DCC: variants seen among roughly 807,000 people sequenced by gnomAD.
The protein encoded by DCC is DCC netrin 1 receptor.
DCC carries 58 observed loss-of-function variants against 172.5 expected under a neutral mutation model. The ratio of observed to expected loss-of-function variants is 0.34; its 90% CI spans 0.27 to 0.42. The LOEUF (loss-of-function observed/expected upper bound fraction) is 0.42, where lower values mean the gene tolerates loss of function less well. Among genes scored for constraint, DCC ranks in the 10% least tolerant of loss-of-function variants. The pLI, the probability that DCC is intolerant of heterozygous loss-of-function variation, is 1.00. For missense variants in DCC, 1,740 were observed against 1,791.0 expected, an observed-to-expected ratio of 0.97 and a Z score of 0.51; for synonymous variants, 709 against 644.5, an observed-to-expected ratio of 1.10 and a Z score of -1.52.
At chr18:52,585,639 A>T (rs571582518) in intron 1 of DCC, among the ~76,000 whole-genome samples, 5 of 152,192 alleles carry the variant, frequency 3.3e-5, no homozygotes, top group Admixed American at 2.0e-4. Flanking sequence ...TTTGGTGGAC[A>T]TGTATGTCAA....
intron 1 of DCC, among the ~76,000 whole-genome samples, chr18:52,361,171 A>T (rs1014110191): frequency 5.9e-5 from 9 of 152,230 alleles, no homozygotes; most frequent in African/African-American, 2.2e-4. Flanking sequence ...CTACCTAAAA[A>T]GATATATATG....
At chr18:52,476,672 G>A (rs1034264008) in intron 1 of DCC, among the ~76,000 whole-genome samples, 5 of 152,152 alleles carry the variant, frequency 3.3e-5, no homozygotes. Flanking sequence ...CTGGTTCTAA[G>A]GAGCTGTGTA....
chr18:52,844,471 TA>T (rs1265531187), intron 2 of DCC, among the ~76,000 whole-genome samples: 1 of 152,194 alleles, frequency 6.6e-6, no homozygotes, highest in African/African-American at 2.4e-5. Context: ...ACACACATAG[TA>T]ATTGGCCTTG....
chr18:52,414,789 T>C (rs1237486696), intron 1 of DCC, among the ~76,000 whole-genome samples: 4 of 152,214 alleles, frequency 2.6e-5, no homozygotes, highest in African/African-American at 9.6e-5. Context: ...TAAAATTTTC[T>C]CATTCTGTGT....
At chr18:53,113,945 A>T (rs966218918) in intron 7 of DCC, among the ~76,000 whole-genome samples, 2 of 151,374 alleles carry the variant, frequency 1.3e-5, no homozygotes, top group African/African-American at 2.4e-5. Context: ...TATTTATTCT[A>T]TTGCTCTAAA....
chr18:53,360,339 G>C (rs1384234961), intron 15 of DCC, among the ~76,000 whole-genome samples: 3 of 152,138 alleles, frequency 2.0e-5, no homozygotes, highest in Non-Finnish European at 4.4e-5. Flanking sequence ...CAGTTAATCA[G>C]ATAGATTATT....
In DCC at chr18:53,315,896, T is replaced by A. The variant is rs562789044; in HGVS notation, c.2054-6151T>A. On this transcript the variant is annotated intron_variant, in intron 13 of 28. Coordinates refer to ENST00000442544, the MANE Select transcript of DCC (RefSeq NM_005215.4). ...TTGTCAGATGGATAGATTAAAAAAA[T>A]TTTTCTCCCATTCTGTAGGTTACCT... Among the ~76,000 whole-genome samples, 29 of 152,212 alleles carry A rather than the reference T, an allele frequency of 1.9e-4. No homozygotes were observed. In the South Asian group the frequency reaches 5.2e-3, roughly 27 times the overall value.
chr18:52,989,069 C>G (rs1568230220), intron 5 of DCC, among the ~76,000 whole-genome samples: 1 of 151,862 alleles, frequency 6.6e-6, no homozygotes, highest in East Asian at 1.9e-4. Flanking sequence ...GTTTTAAATT[C>G]TTATAAATAT....
chr18:52,826,074 C>A (rs1158672779), intron 2 of DCC, among the ~76,000 whole-genome samples: 1 of 152,060 alleles, frequency 6.6e-6, no homozygotes, highest in Non-Finnish European at 1.5e-5. Context: ...TGGTTATAGC[C>A]CCATTTTTCT....
chr18:53,525,352 T>G, intron 27 of DCC, among the ~76,000 whole-genome samples: 1 of 152,116 alleles, frequency 6.6e-6, no homozygotes, highest in East Asian at 1.9e-4. Context: ...TCATGTTTCA[T>G]TTCGCTTCTC....
At chr18:52,520,033 T>G (rs2144664220) in intron 1 of DCC, among the ~76,000 whole-genome samples, 1 of 152,274 alleles carries the variant, frequency 6.6e-6, no homozygotes, top group Non-Finnish European at 1.5e-5. Context: ...AAAGCAGAGG[T>G]TTGCAAGTCT....
intron 1 of DCC, among the ~76,000 whole-genome samples, chr18:52,519,231 A>C (rs757889721): frequency 4.6e-5 from 7 of 152,122 alleles, no homozygotes; most frequent in Admixed American, 6.6e-5. Flanking sequence ...AGCTCAGTTT[A>C]CAGCTTTCCT....
intron 8 of DCC, among the ~76,000 whole-genome samples, chr18:53,168,095 A>C (rs1234108316): frequency 6.6e-6 from 1 of 152,218 alleles, no homozygotes; most frequent in African/African-American, 2.4e-5. Context: ...GAGAAATAAG[A>C]ATACTTTTAC....
chr18:53,085,993 T>TTATTATTATTATTATTATTA (rs1568294164), intron 7 of DCC, among the ~76,000 whole-genome samples: 1 of 54,792 alleles, frequency 1.8e-5, no homozygotes, highest in Non-Finnish European at 3.4e-5. Flanking sequence ...CTTCTTCTCC[T>TTATTATTATTATTATTATTA]TCTCCTTCTT....
intron 7 of DCC, among the ~76,000 whole-genome samples, chr18:53,122,527 G>T (rs1039785636): frequency 1.3e-5 from 2 of 151,794 alleles, no homozygotes; most frequent in East Asian, 3.9e-4. Context: ...TTTTTCAGCT[G>T]ATTCTTCTTT....
At chr18:52,477,543 C>T (rs1007703756) in intron 1 of DCC, among the ~76,000 whole-genome samples, 2 of 152,168 alleles carry the variant, frequency 1.3e-5, no homozygotes, top group African/African-American at 4.8e-5. Flanking sequence ...TGCCTGGTAA[C>T]AGGGACTTCC....
intron 21 of DCC, among the ~76,000 whole-genome samples, chr18:53,434,792 C>A (rs561890494): frequency 1.3e-5 from 2 of 152,096 alleles, no homozygotes; most frequent in African/African-American, 4.8e-5. Flanking sequence ...GAGCCAGGAC[C>A]TGAGTTATTT....
intron 7 of DCC, among the ~76,000 whole-genome samples, chr18:53,135,108 A>T (rs777021137): frequency 7.9e-5 from 12 of 152,134 alleles, no homozygotes; most frequent in Admixed American, 1.3e-4. Flanking sequence ...GGATTTTCCA[A>T]GTCTCACTAT....
chr18:52,835,056 A>G (rs2145303824), intron 2 of DCC, among the ~76,000 whole-genome samples: 1 of 152,310 alleles, frequency 6.6e-6, no homozygotes, highest in East Asian at 1.9e-4. Flanking sequence ...ATGTTTTCAT[A>G]GGCAAACAGC....
Sources: allele counts gnomAD v4.1 joint callset (sites outside exome capture counted in the v4.1 genomes callset), GRCh38; gene constraint gnomAD v4.1.1; transcripts MANE v1.5; gene names NCBI Gene and HGNC (gene_info 2026-07-23, HGNC 2026-07-21).